Variants in FNBP1L observed in about 807,000 individuals in gnomAD.
The protein encoded by FNBP1L is formin binding protein 1 like, also known as formin-binding protein 1-like.
A neutral mutation model predicts 91.2 loss-of-function variants in FNBP1L; 36 were observed. The observed-to-expected ratio is 0.39, with a 90% CI of 0.30 to 0.52. The LOEUF is 0.52. Ranked by LOEUF, FNBP1L falls within the 20% of genes least tolerant of loss-of-function variation. The pLI is 0.66. For missense variants in FNBP1L, 571 were observed against 732.1 expected (o/e 0.78, Z 2.54); for synonymous variants, 242 against 237.0 (o/e 1.02, Z -0.19).
intron 1 of FNBP1L, among the ~76,000 whole-genome samples, chr1:93,472,064 A>G (rs1453366033): frequency 6.6e-6 from 1 of 152,210 alleles, no homozygotes; most frequent in East Asian, 1.9e-4. Flanking sequence ...AGTAACAACC[A>G]TACTCCCTAA....
chr1:93,511,747 A>G (rs1291962245), intron 2 of FNBP1L, among the ~76,000 whole-genome samples: 2 of 152,078 alleles, frequency 1.3e-5, no homozygotes, highest in Non-Finnish European at 2.9e-5. Flanking sequence ...CGGGCGGATC[A>G]CGAGGTCAGG....
intron 2 of FNBP1L, among the ~76,000 whole-genome samples, chr1:93,520,136 T>C (rs1432675934): frequency 6.6e-6 from 1 of 152,244 alleles, no homozygotes; most frequent in Admixed American, 6.5e-5. Flanking sequence ...TATTGGTATA[T>C]ACTTGTCTCC....
Position 93,547,327 on chromosome 1 carries a change from T to G in FNBP1L, c.1408-20T>G. 1.3e-6 allele frequency: 2 copies of G among 1,535,030 alleles called. No individual in the cohort carries two copies. Among genetic ancestry groups the G allele is most frequent in the South Asian group, 1.2e-5 (1 of 83,456 alleles). ...AACATATTTATTGAGCTCAGTTGTTTGCTTATTTTTTTTCCTAAGGCTTGG... is the reference window on the plus strand; with the variant it reads ...AACATATTTATTGAGCTCAGTTGTTGGCTTATTTTTTTTCCTAAGGCTTGG... On this transcript the variant is annotated intron_variant, in intron 13 of 16. Coordinates refer to ENST00000271234, the MANE Select transcript of FNBP1L (RefSeq NM_001164473.3).
At chr1:93,550,197 C>T (rs1672361444) in intron 15 of FNBP1L, among the ~76,000 whole-genome samples, 1 of 152,082 alleles carries the variant, frequency 6.6e-6, no homozygotes, top group Non-Finnish European at 1.5e-5. Flanking sequence ...AATTTAAGAC[C>T]TTGCAGCCAA....
chr1:93,478,590 T>C (rs1669580540), intron 1 of FNBP1L, among the ~76,000 whole-genome samples: 1 of 152,054 alleles, frequency 6.6e-6, no homozygotes, highest in Admixed American at 6.6e-5. Context: ...GGGGCAGCAG[T>C]GGCAGTCTAA....
chr1:93,450,956 A>AGACTTTGGTT (rs1553206324), intron 1 of FNBP1L, among the ~76,000 whole-genome samples: 3 of 152,354 alleles, frequency 2.0e-5, no homozygotes, highest in African/African-American at 2.4e-5. Context: ...GGATCGTGTC[A>AGACTTTGGTT]GACTTTGGTT....
chr1:93,499,683 TC>T (rs928085583), intron 2 of FNBP1L, 100 bp downstream of exon 2: 7 of 716,228 alleles, frequency 9.8e-6, no homozygotes, highest in Middle Eastern at 3.9e-4. Context: ...TCTATGTTTT[TC>T]ATCAGAATTA....
At chr1:93,548,935 A>G (rs1385146094) in intron 14 of FNBP1L, among the ~76,000 whole-genome samples, 1 of 152,116 alleles carries the variant, frequency 6.6e-6, no homozygotes. Flanking sequence ...TCCCTTAAGG[A>G]ATTTTAGGAT....
intron 2 of FNBP1L, among the ~76,000 whole-genome samples, chr1:93,508,526 T>C (rs796949434): frequency 7.2e-5 from 11 of 152,120 alleles, no homozygotes; most frequent in African/African-American, 2.7e-4. Context: ...TATTGGGGTT[T>C]GGGATGAGTC....
Position 93,532,927 on chromosome 1 carries a change from A to C in FNBP1L, c.645A>C (p.Leu215=). The C allele has an allele frequency of 6.3e-7, 1 of 1,598,200 alleles. No individual in the cohort carries two copies. The change falls in exon 8 of 17, where the codon CTA becomes CTC. Residue 215 remains leucine, a synonymous_variant. Transcript: ENST00000271234. ...AAAAAATTCTTGATTATTAGCAACT[A>C]CAAGAAATGGACGAACGAAGGACTA... ...YVVIPQIYKQ[L]QEMDERRTIK...
intron 2 of FNBP1L, among the ~76,000 whole-genome samples, chr1:93,518,741 G>A (rs1171403030): frequency 6.6e-6 from 1 of 152,192 alleles, no homozygotes; most frequent in Non-Finnish European, 1.5e-5. Flanking sequence ...AGATTCATTT[G>A]CTAAAGTCTA....
At chr1:93,515,428 G>T (rs1184568714) in intron 2 of FNBP1L, among the ~76,000 whole-genome samples, 4 of 151,768 alleles carry the variant, frequency 2.6e-5, no homozygotes, top group African/African-American at 9.7e-5. Flanking sequence ...TATACCCAAA[G>T]GACTATAAAT....
intron 2 of FNBP1L, among the ~76,000 whole-genome samples, chr1:93,502,067 T>C (rs377115107): frequency 1.2e-4 from 19 of 152,326 alleles, no homozygotes; most frequent in East Asian, 9.6e-4. Context: ...AAAAGCCTTA[T>C]TCATCAGGTT....
In FNBP1L at chr1:93,535,038, C is replaced by T. The variant is rs541371013; in HGVS notation, c.990+130C>T. 78 of 746,244 alleles carry T rather than the reference C, an allele frequency of 1.0e-4. No homozygotes were observed. In the Admixed American group the frequency reaches 1.1e-3, roughly 11 times the overall value. 46.2% of individuals were successfully genotyped at this position (746,244 alleles called of 1,614,324 possible). ...TTTCAATTTGAATGATTCAGTTAAC[C>T]TTTCACTTATATTAGGAATACCTTA... On this transcript the variant is annotated intron_variant, in intron 9 of 16. Transcript: ENST00000271234.
At chr1:93,493,068 A>T (rs941562905) in intron 1 of FNBP1L, among the ~76,000 whole-genome samples, 12 of 152,190 alleles carry the variant, frequency 7.9e-5, no homozygotes, top group South Asian at 4.1e-4. Flanking sequence ...GTTTGAGACT[A>T]GCCTGGGCAA....
chr1:93,466,315 A>C (rs1669078914), intron 1 of FNBP1L, among the ~76,000 whole-genome samples: 1 of 152,058 alleles, frequency 6.6e-6, no homozygotes, highest in South Asian at 2.1e-4. Context: ...GGTTTTCTTC[A>C]AGAGTTTTTA....
chr1:93,497,116 C>A (rs1026414192), intron 1 of FNBP1L, among the ~76,000 whole-genome samples: 1 of 152,064 alleles, frequency 6.6e-6, no homozygotes, highest in Non-Finnish European at 1.5e-5. Flanking sequence ...TCCGCCACCA[C>A]GCCTGGCTAA....
chr1:93,523,375 C>A lies in FNBP1L; in HGVS notation c.226C>A (p.Leu76Ile). ...CTCGTGTGTAGCCTTTTTTAATATC[C>A]TTAATGAGTTAAATGACTATGCAGG... ...FTSCVAFFNILNELNDYAGQR... is the reference protein window; with the variant it reads ...FTSCVAFFNIINELNDYAGQR... Residue 76 changes from leucine (L) to isoleucine (I), a missense_variant, in exon 4 of 17, where the codon CTT (leucine) becomes ATT (isoleucine). Leu to Ile is a conservative substitution (Grantham distance 5, BLOSUM62 2). Around this residue, in one of 5 missense-constraint regions of FNBP1L, gnomAD observed 220 missense variants for 313.6 expected, o/e 0.70. Transcript: ENST00000271234. The A allele has an allele frequency of 1.5e-5, 24 of 1,607,874 alleles. No individual in the cohort carries two copies. The highest frequency in any genetic ancestry group is 2.0e-5 in the Non-Finnish European group (24 of 1,176,890).
intron 8 of FNBP1L, among the ~76,000 whole-genome samples, chr1:93,533,362 C>T (rs1216084687): frequency 1.3e-5 from 2 of 151,726 alleles, no homozygotes; most frequent in African/African-American, 4.8e-5. Context: ...TTGTGTTATA[C>T]TATTATATTA....
Sources: gnomAD v4.1 joint callset for allele counts (sites outside exome capture counted in the v4.1 genomes callset) on GRCh38, gnomAD v4.1.1 for gene constraint, gnomAD v4.1.1 regional missense constraint, MANE v1.5 for transcripts, NCBI Gene and HGNC (gene_info 2026-07-23, HGNC 2026-07-21) for gene names.